The following ZNF600 variants were observed in gnomAD, a reference collection of about 807,000 sequenced individuals.
ZNF600 encodes the protein zinc finger protein 600.
ZNF600 carries 4 observed loss-of-function variants against 7.3 expected under a neutral mutation model. That is an observed-to-expected ratio of 0.55 (90% CI 0.27 to 1.25). The LOEUF (loss-of-function observed/expected upper bound fraction) is 1.25, where lower values mean the gene tolerates loss of function less well. Among genes scored for constraint, ZNF600 ranks in the 50% most tolerant of loss-of-function variants. ZNF600 has a pLI of 0.12. For missense variants in ZNF600, 911 were observed against 922.1 expected (o/e 0.99, Z 0.16); for synonymous variants, 290 against 308.9 (o/e 0.94, Z 0.64).
chr19:52,767,858 T>C, intron 3 of ZNF600, 86 bp from the exon 6 acceptor site: 1 of 1,452,732 alleles, frequency 6.9e-7, no homozygotes, highest in South Asian at 1.7e-5. Flanking sequence ...CAAAAAACAA[T>C]ACTTATTTTG....
upstream of ZNF600, chr19:52,786,861 G>C: frequency 8.5e-6 from 2 of 235,124 alleles, no homozygotes; most frequent in Admixed American, 4.0e-5. Flanking sequence ...GAGAGACCTT[G>C]CCCTTTAGAA....
the ZNF600 span, among the ~76,000 whole-genome samples, chr19:52,823,200 T>TTTTTG: frequency 6.7e-6 from 1 of 150,210 alleles, no homozygotes; most frequent in African/African-American, 2.5e-5. Context: ...TTTATTGCAC[T>TTTTTG]TTTTGTTTTG....
upstream of ZNF600, chr19:52,786,893 G>A (rs1011112652): frequency 2.2e-5 from 4 of 184,922 alleles, no homozygotes; most frequent in Admixed American, 2.0e-4. Flanking sequence ...AGGGCCCGGG[G>A]CGGGACCTGT....
intron 2 of ZNF600, among the ~76,000 whole-genome samples, chr19:52,775,156 C>G (rs1370845936): frequency 1.3e-5 from 2 of 152,154 alleles, no homozygotes; most frequent in African/African-American, 4.8e-5. Context: ...AGGAGAATCA[C>G]TTGAACCCAG....
chr19:52,809,984 G>A, the ZNF600 span: 13 of 777,698 alleles, frequency 1.7e-5, no homozygotes, highest in Admixed American at 2.6e-4. Flanking sequence ...TGGAGTCTGA[G>A]GAACTGGAGC....
the ZNF600 span, among the ~76,000 whole-genome samples, chr19:52,822,277 G>T: frequency 1.3e-5 from 2 of 151,690 alleles, no homozygotes; most frequent in African/African-American, 4.8e-5. Context: ...TCGCCATGTT[G>T]GACAGGCTGG....
chr19:52,794,422 G>A, the ZNF600 span, among the ~76,000 whole-genome samples: 1 of 152,170 alleles, frequency 6.6e-6, no homozygotes, highest in South Asian at 2.1e-4. Context: ...ATTACTGGTT[G>A]AGTCACTGTT....
chr19:52,809,999 G>A, the ZNF600 span: 2 of 764,468 alleles, frequency 2.6e-6, no homozygotes, highest in Non-Finnish European at 4.6e-6. Flanking sequence ...TGGAGCCTGA[G>A]GAGCTGCTGT....
At chr19:52,809,949 G>A in the ZNF600 span, 2 of 838,186 alleles carry the variant, frequency 2.4e-6, no homozygotes, top group Non-Finnish European at 4.0e-6. Flanking sequence ...TGCCCCGGGG[G>A]GCGCAGGGGA....
chr19:52,771,244 T>C (rs2147507531), intron 3 of ZNF600, among the ~76,000 whole-genome samples: 1 of 152,328 alleles, frequency 6.6e-6, no homozygotes, highest in Middle Eastern at 3.4e-3. Context: ...AAGAAGGCTC[T>C]CACCAGGAGC....
chr19:52,810,346 C>G, the ZNF600 span: 1 of 1,604,358 alleles, frequency 6.2e-7, no homozygotes, highest in African/African-American at 1.3e-5. Flanking sequence ...GGTGCAACAG[C>G]AGAAGAGCTG....
chr19:52,801,399 G>A, the ZNF600 span: 1 of 1,614,168 alleles, frequency 6.2e-7, no homozygotes, highest in East Asian at 2.2e-5. Flanking sequence ...GTGCAGTTCA[G>A]GCAGATGCGA....
chr19:52,766,368 AT>A lies in ZNF600; in HGVS notation c.1594del (p.Ile532PhefsTer47). ...TTTGTATGGTTTCTCTCCGGTGTGAATTATCTTATGTGTCTCAAGGGTTGAT... is the reference window on the plus strand; with the variant it reads ...TTTGTATGGTTTCTCTCCGGTGTGAATATCTTATGTGTCTCAAGGGTTGAT... On this transcript the variant is annotated frameshift_variant, in exon 4 of 4. Coordinates refer to ENST00000648973, the Ensembl canonical transcript of ZNF600. LOFTEE classifies it low-confidence loss of function (END_TRUNC). The A allele has an allele frequency of 2.5e-6, 4 of 1,614,152 alleles. No individual in the cohort carries two copies. The highest frequency in any genetic ancestry group is 3.4e-6 in the Non-Finnish European group (4 of 1,180,032).
the ZNF600 span, among the ~76,000 whole-genome samples, chr19:52,814,957 A>C: frequency 1.6e-4 from 23 of 146,110 alleles, 3 homozygotes; most frequent in South Asian, 9.1e-4. Context: ...TATATGCCCC[A>C]AAAATAATAA....
chr19:52,817,147 C>T, the ZNF600 span, among the ~76,000 whole-genome samples: 4 of 152,184 alleles, frequency 2.6e-5, no homozygotes, highest in South Asian at 4.1e-4. Flanking sequence ...CCAAAGTAGG[C>T]GGATCGCCTG....
At chr19:52,809,918 C>T in the ZNF600 span, 64 of 848,646 alleles carry the variant, frequency 7.5e-5, no homozygotes, top group African/African-American at 2.2e-4. Flanking sequence ...TGCCCGGGGC[C>T]GGTGGGGAGG....
At chr19:52,811,692 C>G in the ZNF600 span, among the ~76,000 whole-genome samples, 1 of 148,228 alleles carries the variant, frequency 6.7e-6, no homozygotes, top group African/African-American at 2.6e-5. Flanking sequence ...GCCCCTCCGT[C>G]CGGCAACCAC....
chr19:52,811,804 G>A, the ZNF600 span, among the ~76,000 whole-genome samples: 3 of 149,144 alleles, frequency 2.0e-5, no homozygotes, highest in Non-Finnish European at 4.5e-5. Context: ...CCGTCCGGGA[G>A]GTGAGGGGCT....
chr19:52,800,120 T>G, the ZNF600 span: 10 of 1,614,110 alleles, frequency 6.2e-6, no homozygotes, highest in South Asian at 1.1e-4. Flanking sequence ...ACGGTTTCTC[T>G]CCAGTATGAA....
Sources: gnomAD v4.1 joint callset for allele counts (sites outside exome capture counted in the v4.1 genomes callset) on GRCh38, gnomAD v4.1.1 for gene constraint, MANE v1.5 for transcripts, NCBI Gene and HGNC (gene_info 2026-07-23, HGNC 2026-07-21) for gene names.